The following ECE1 variants were observed in gnomAD, a reference collection of about 807,000 sequenced individuals.
The protein encoded by ECE1 is endothelin-converting enzyme 1.
ECE1 carries 35 observed loss-of-function variants against 98.6 expected under a neutral mutation model. The ratio of observed to expected loss-of-function variants is 0.35; its 90% CI spans 0.27 to 0.47. The LOEUF (loss-of-function observed/expected upper bound fraction) is 0.47. Ranked by LOEUF, ECE1 falls within the 20% of genes least tolerant of loss-of-function variation. The probability of loss-of-function intolerance (pLI) is 1.00; values close to 1 mark genes in which losing one functional copy is unlikely to be tolerated. For missense variants in ECE1, 814 were observed against 1,025.3 expected (o/e 0.79, Z 2.81); for synonymous variants, 394 against 407.1 (o/e 0.97, Z 0.39).
intron 1 of ECE1, among the ~76,000 whole-genome samples, chr1:21,318,746 G>A (rs1638893691): frequency 6.6e-6 from 1 of 152,000 alleles, no homozygotes; most frequent in Non-Finnish European, 1.5e-5. Flanking sequence ...GAGCTAACCC[G>A]ACCTGACAGT....
intron 15 of ECE1, 57 bp downstream of exon 15, chr1:21,227,874 G>A (rs2098176326): frequency 7.3e-7 from 1 of 1,375,318 alleles, no homozygotes; most frequent in Non-Finnish European, 1.0e-6. Context: ...GGTCGTATGG[G>A]CCCCAGGGCT....
Position 21,345,328 on chromosome 1 carries a change from CG to C in ECE1, c.3+47del. On this transcript the variant is annotated intron_variant, in intron 1 of 18. Transcript: ENST00000415912. This position sits in a 1 kb window ranked among gnomAD's most constrained non-coding sequence, Gnocchi z 5.1. ...CACCCGCGGCACCGCTGCCCGCGAC[CG>C]TCGAGGCTGGGCTGGACCGGACCAG... 2.2e-6 allele frequency: 3 copies of C among 1,349,920 alleles called. No homozygotes were observed. The highest frequency in any genetic ancestry group is 2.9e-6 in the Non-Finnish European group (3 of 1,042,898). The allele number at this position is 1,349,920 out of a possible 1,614,324, so 83.6% of individuals were successfully genotyped here. A position where few individuals can be genotyped will look rare whatever the true frequency, so the allele number is the denominator to read the frequency against.
At chr1:21,324,751 A>T (rs976149069) in intron 1 of ECE1, among the ~76,000 whole-genome samples, 2 of 152,216 alleles carry the variant, frequency 1.3e-5, no homozygotes, top group Non-Finnish European at 2.9e-5. Flanking sequence ...AGCCAGGGAC[A>T]AATGGAGGCG....
chr1:21,227,976 G>A lies in ECE1; in HGVS notation c.1736C>T (p.Pro579Leu), dbSNP rs1287909420. The stretch of plus-strand genomic sequence containing the variant: ...GAATGGTGCCTGCAGGATCCCGGCC[G>A]GAAACACAATCTCATTCTTGGTGGG... The part of the protein sequence containing the change: ...YSPTKNEIVF[P>L]AGILQAPFYT... Residue 579 changes from proline to leucine, a missense_variant, in exon 15 of 19, where the codon CCG (proline) becomes CTG (leucine). Transcript: ENST00000374893. The A allele has an allele frequency of 5.1e-6, 8 of 1,561,962 alleles. No homozygotes were observed. The highest frequency in any genetic ancestry group is 1.2e-5 in the South Asian group (1 of 84,884).
chr1:21,302,963 C>T (rs1638518988), intron 1 of ECE1, among the ~76,000 whole-genome samples: 1 of 152,212 alleles, frequency 6.6e-6, no homozygotes, highest in Admixed American at 6.5e-5. Flanking sequence ...CAGCTCTCCC[C>T]TGCCACCCCC....
chr1:21,235,717 C>A lies in ECE1; in HGVS notation c.1566+133G>T, dbSNP rs1230215982. 3 of 979,916 alleles carry A rather than the reference C, an allele frequency of 3.1e-6. No individual in the cohort carries two copies. The highest frequency in any genetic ancestry group is 1.6e-6 in the Non-Finnish European group (1 of 609,632). The allele number at this position is 979,916 out of a possible 1,614,324, so 60.7% of individuals were successfully genotyped here. ...TCCTCATGCCTGACCCATACCCAAG[C>A]CCCACACCACATCATCCCTGTGTGT... is the stretch of plus-strand genomic sequence containing the variant. On this transcript the variant is annotated intron_variant, in intron 13 of 18. Coordinates refer to ENST00000374893, the MANE Select transcript of ECE1 (RefSeq NM_001397.3). The surrounding 1 kb of genome is among the most constrained non-coding windows in gnomAD (Gnocchi z 4.2).
upstream of ECE1, among the ~76,000 whole-genome samples, chr1:21,292,311 C>G (rs538807477): frequency 1.2e-4 from 19 of 152,098 alleles, no homozygotes; most frequent in East Asian, 1.4e-3. Flanking sequence ...CCCTCCCCCA[C>G]CAACCTCCTC....
At chr1:21,271,149 C>T (rs1230305805) in intron 4 of ECE1, among the ~76,000 whole-genome samples, 6 of 152,188 alleles carry the variant, frequency 3.9e-5, no homozygotes, top group Admixed American at 3.9e-4. Flanking sequence ...ATACACACCA[C>T]CCTGCTCATC....
At position 21,261,929 on chromosome 1, in the gene ECE1, T is replaced by C. The variant is rs2098227483; in HGVS notation, c.494-1537A>G. On this transcript the variant is annotated intron_variant, in intron 4 of 18. Coordinates refer to ENST00000374893, the MANE Select transcript of ECE1 (RefSeq NM_001397.3). ...GGGATGCCTGAAAGGGCAGGCGGAC[T>C]GCTTGGAGAAAAGAAAGCTGTCTGG... 3.3e-5 allele frequency among the ~76,000 whole-genome samples: 5 copies of C among 152,190 alleles called. No individual in the cohort carries two copies. In the South Asian group the frequency reaches 8.3e-4, roughly 25 times the overall value.
At chr1:21,333,819 G>A (rs1008630327) in intron 1 of ECE1, among the ~76,000 whole-genome samples, 2 of 151,918 alleles carry the variant, frequency 1.3e-5, no homozygotes, top group Non-Finnish European at 2.9e-5. Flanking sequence ...GGGCAACAGA[G>A]CGAGACTCCG....
At chr1:21,225,000 G>A (rs1269498970) in intron 17 of ECE1, among the ~76,000 whole-genome samples, 4 of 152,162 alleles carry the variant, frequency 2.6e-5, no homozygotes, top group South Asian at 2.1e-4. Context: ...GATGAAGCCC[G>A]AGCCCCTTCC....
rs2076283 is a variant in ECE1 at position 21,260,952 on chromosome 1, C to G, written c.494-560G>C. Among the ~76,000 whole-genome samples the G allele has an allele frequency of 0.29, 44,254 of 152,172 alleles. 6,903 individuals are homozygous for G. The highest frequency in any genetic ancestry group is 0.44 in the East Asian group (2,248 of 5,162). ...CACCGCCCTTGCCAACTCCAGCAAG[C>G]AGCATCTCCCTCCTGCAGTGGCTTC... is the stretch of plus-strand genomic sequence containing the variant. On this transcript the variant is annotated intron_variant, in intron 4 of 18. Transcript: ENST00000374893. This position sits in a 1 kb window ranked among gnomAD's most constrained non-coding sequence, Gnocchi z 4.3.
chr1:21,263,363 T>A (rs539443948), intron 4 of ECE1, among the ~76,000 whole-genome samples: 5 of 149,170 alleles, frequency 3.4e-5, no homozygotes, highest in South Asian at 2.1e-4. Context: ...TTATATTTAT[T>A]TTTTTTTTTT....
chr1:21,256,288 GCTCACGCCTGT>G, intron 7 of ECE1, 150 bp from the exon 8 acceptor site: 1 of 889,306 alleles, frequency 1.1e-6, no homozygotes, highest in Non-Finnish European at 1.7e-6. Flanking sequence ...AGGTGTGGTG[GCTCACGCCTGT>G]AATCCTGGCA....
intron 10 of ECE1, among the ~76,000 whole-genome samples, chr1:21,239,827 A>T (rs1187372659): frequency 1.4e-5 from 2 of 147,454 alleles, no homozygotes; most frequent in Admixed American, 6.9e-5. Context: ...GCAGAAGGGG[A>T]TATTCTCTAT....
chr1:21,244,537 G>A (rs1258860773), intron 10 of ECE1, among the ~76,000 whole-genome samples: 1 of 152,172 alleles, frequency 6.6e-6, no homozygotes, highest in Non-Finnish European at 1.5e-5. Context: ...GGACCCTCAG[G>A]GCTCCTGGCA....
At chr1:21,257,649 C>T (rs111771573) in intron 6 of ECE1, 59 bp from the exon 7 acceptor site, 56 of 1,555,760 alleles carry the variant, frequency 3.6e-5, no homozygotes, top group Middle Eastern at 1.7e-4. Context: ...ATCCACTGCA[C>T]GGCCTCCTGC....
chr1:21,261,728 C>T (rs895684008), intron 4 of ECE1, among the ~76,000 whole-genome samples: 14 of 152,160 alleles, frequency 9.2e-5, no homozygotes, highest in African/African-American at 2.2e-4. Flanking sequence ...GAACAACGCA[C>T]GTGGCTATGG....
chr1:21,304,655 G>C (rs762867033), intron 1 of ECE1, among the ~76,000 whole-genome samples: 14 of 152,212 alleles, frequency 9.2e-5, no homozygotes, highest in Non-Finnish European at 1.5e-4. Context: ...CCGAGGATGA[G>C]ACTTACTGGA....
Sources: allele counts gnomAD v4.1 joint callset (sites outside exome capture counted in the v4.1 genomes callset), GRCh38; gene constraint gnomAD v4.1.1; non-coding constraint Gnocchi (gnomAD v3.1); transcripts MANE v1.5; gene names NCBI Gene and HGNC (gene_info 2026-07-23, HGNC 2026-07-21).